Variants in RPSA2 observed in about 807,000 individuals in gnomAD.
RPSA2 encodes the protein small ribosomal subunit protein uS2B.
chr19:23,859,171 T>C, the RPSA2 span, among the ~76,000 whole-genome samples: 14 of 152,204 alleles, frequency 9.2e-5, no homozygotes, highest in Non-Finnish European at 1.8e-4. Context: ...TTAAAATTGC[T>C]ATATTAAGAA....
the RPSA2 span, chr19:23,831,523 G>T: frequency 6.5e-6 from 1 of 153,734 alleles, no homozygotes; most frequent in Non-Finnish European, 1.5e-5. Flanking sequence ...AATTTTAAAG[G>T]TAAGATTTTA....
the RPSA2 span, among the ~76,000 whole-genome samples, chr19:23,840,860 G>A: frequency 6.6e-6 from 1 of 151,234 alleles, no homozygotes; most frequent in Non-Finnish European, 1.5e-5. Flanking sequence ...TACTTGGGAG[G>A]CTGAGGCAGG....
At chr19:23,767,737 A>G in the RPSA2 span, among the ~76,000 whole-genome samples, 1 of 141,120 alleles carries the variant, frequency 7.1e-6, no homozygotes, top group Non-Finnish European at 1.5e-5. Flanking sequence ...CCTTGGAAAG[A>G]TTTTTTCACT....
At chr19:23,802,563 AAAAG>A in the RPSA2 span, among the ~76,000 whole-genome samples, 18 of 152,230 alleles carry the variant, frequency 1.2e-4, no homozygotes, top group African/African-American at 3.9e-4. Context: ...GTCTTACTGT[AAAAG>A]AAATGAATCA....
chr19:23,834,305 A>T, the RPSA2 span, among the ~76,000 whole-genome samples: 1 of 106,244 alleles, frequency 9.4e-6, no homozygotes, highest in Non-Finnish European at 1.9e-5. Context: ...TTAAACTCTT[A>T]AATTACTTCA....
the RPSA2 span, chr19:23,809,484 C>T: frequency 1.3e-5 from 2 of 152,000 alleles, no homozygotes; most frequent in Admixed American, 6.6e-5. Context: ...AATACTTATT[C>T]TTTCAGTAGA....
the RPSA2 span, among the ~76,000 whole-genome samples, chr19:23,770,929 T>A: frequency 6.6e-6 from 1 of 152,192 alleles, no homozygotes; most frequent in Non-Finnish European, 1.5e-5. Context: ...GTGATGCATA[T>A]CTTATCCAAA....
chr19:23,847,063 C>T, the RPSA2 span, among the ~76,000 whole-genome samples: 1 of 152,110 alleles, frequency 6.6e-6, no homozygotes, highest in African/African-American at 2.4e-5. Context: ...TCATTTCTCT[C>T]CTTATTTTTG....
At chr19:23,823,627 T>C in the RPSA2 span, 1 of 152,122 alleles carries the variant, frequency 6.6e-6, no homozygotes, top group East Asian at 1.9e-4. Context: ...TTTCCCTGAG[T>C]TTGCAAACCA....
chr19:23,832,945 G>A, the RPSA2 span: 1 of 1,478,592 alleles, frequency 6.8e-7, no homozygotes, highest in Middle Eastern at 1.9e-4. Context: ...TAAACATAAG[G>A]TAATTCACAG....
At chr19:23,858,714 G>A in the RPSA2 span, among the ~76,000 whole-genome samples, 1 of 152,224 alleles carries the variant, frequency 6.6e-6, no homozygotes, top group African/African-American at 2.4e-5. Flanking sequence ...GACTGCGCAT[G>A]TTCAAAATGG....
At chr19:23,812,070 G>A in the RPSA2 span, among the ~76,000 whole-genome samples, 14 of 152,156 alleles carry the variant, frequency 9.2e-5, 1 homozygote, top group East Asian at 2.3e-3. Context: ...CAAATTATTT[G>A]TTAATGTACA....
chr19:23,828,657 CTTT>C, the RPSA2 span, among the ~76,000 whole-genome samples: 1 of 148,300 alleles, frequency 6.7e-6, no homozygotes, highest in South Asian at 2.1e-4. Flanking sequence ...ATAAGACTTC[CTTT>C]TTGTCCTAAG....
the RPSA2 span, among the ~76,000 whole-genome samples, chr19:23,861,016 TA>T: frequency 0.98 from 148,869 of 152,194 alleles, 72,900 homozygotes; most frequent in Middle Eastern, 1. Flanking sequence ...TCCTCCTGCT[TA>T]AAAAAGCAAT....
the RPSA2 span, among the ~76,000 whole-genome samples, chr19:23,825,471 T>G: frequency 6.6e-6 from 1 of 152,230 alleles, no homozygotes; most frequent in African/African-American, 2.4e-5. Context: ...ATCTCTGTGT[T>G]TGTTTTCCTG....
At chr19:23,839,714 C>A in the RPSA2 span, among the ~76,000 whole-genome samples, 1 of 152,190 alleles carries the variant, frequency 6.6e-6, no homozygotes, top group Non-Finnish European at 1.5e-5. Context: ...GTCCTCCTCC[C>A]TCTCCCATGG....
chr19:23,812,716 T>G, the RPSA2 span, among the ~76,000 whole-genome samples: 1 of 152,280 alleles, frequency 6.6e-6, no homozygotes, highest in Non-Finnish European at 1.5e-5. Context: ...TCATTTTCAA[T>G]GTTGGTTTTA....
At chr19:23,814,532 C>A in the RPSA2 span, among the ~76,000 whole-genome samples, 1 of 151,910 alleles carries the variant, frequency 6.6e-6, no homozygotes, top group African/African-American at 2.4e-5. Context: ...TATAATGCAC[C>A]TTTGTTCTTT....
the RPSA2 span, among the ~76,000 whole-genome samples, chr19:23,769,118 T>C: frequency 6.6e-6 from 1 of 152,214 alleles, no homozygotes; most frequent in Non-Finnish European, 1.5e-5. Flanking sequence ...GCTGAGACTG[T>C]GTGACTCTCT....
Sources: allele counts gnomAD v4.1 joint callset (sites outside exome capture counted in the v4.1 genomes callset), GRCh38; gene constraint gnomAD v4.1.1; transcripts MANE v1.5; gene names NCBI Gene and HGNC (gene_info 2026-07-23, HGNC 2026-07-21).